The following SLC4A10 variants were observed in gnomAD, a reference collection of about 807,000 sequenced individuals.
The protein encoded by SLC4A10 is sodium-driven chloride bicarbonate exchanger.
Under a neutral mutation model 137.7 loss-of-function variants are expected in SLC4A10, and 42 were observed. The observed-to-expected ratio is 0.30, with a 90% CI of 0.24 to 0.39. The LOEUF is 0.39. Ranked by LOEUF, SLC4A10 falls within the 10% of genes least tolerant of loss-of-function variation. SLC4A10 has a pLI of 1.00. For missense variants in SLC4A10, 925 were observed against 1,355.0 expected (o/e 0.68, Z 4.98); for synonymous variants, 474 against 464.1 (o/e 1.02, Z -0.27).
chr2:161,879,428 T>A (rs2061626878), intron 9 of SLC4A10, 140 bp downstream of exon 9: 4 of 884,048 alleles, frequency 4.5e-6, no homozygotes, highest in Middle Eastern at 2.9e-4. Flanking sequence ...TAATTTTTGT[T>A]TGTGGAGGAG....
chr2:161,947,833 G>A, intron 17 of SLC4A10, 106 bp downstream of exon 17: 1 of 1,263,446 alleles, frequency 7.9e-7, no homozygotes, highest in Non-Finnish European at 1.1e-6. Context: ...TGAGTGAGCT[G>A]CCAGGTTAGT....
intron 2 of SLC4A10, among the ~76,000 whole-genome samples, chr2:161,804,142 A>AT (rs139629515): frequency 0.033 from 5,006 of 152,054 alleles, 233 homozygotes; most frequent in African/African-American, 0.1. Flanking sequence ...ATAAAAAACA[A>AT]TTTTTTTTCT....
intron 1 of SLC4A10, among the ~76,000 whole-genome samples, chr2:161,653,185 C>A (rs1046568093): frequency 2.0e-5 from 3 of 152,060 alleles, no homozygotes; most frequent in African/African-American, 7.2e-5. Context: ...TGAACTCATC[C>A]TTTTTTATGG....
intron 1 of SLC4A10, among the ~76,000 whole-genome samples, chr2:161,685,086 G>T (rs113090069): frequency 2.0e-5 from 3 of 152,108 alleles, no homozygotes; most frequent in Non-Finnish European, 4.4e-5. Flanking sequence ...TCTGTTTACC[G>T]CCTGGGAACT....
intron 26 of SLC4A10, among the ~76,000 whole-genome samples, chr2:161,980,660 C>T (rs897433330): frequency 2.0e-4 from 31 of 152,096 alleles, no homozygotes; most frequent in Non-Finnish European, 3.2e-4. Flanking sequence ...AAAAAAACAA[C>T]CACTATTTTA....
At chr2:161,952,766 A>G (rs1368425452) in intron 19 of SLC4A10, among the ~76,000 whole-genome samples, 2 of 152,088 alleles carry the variant, frequency 1.3e-5, no homozygotes, top group Admixed American at 6.6e-5. Flanking sequence ...TTGAACCCCT[A>G]TTGGGCCTAT....
At chr2:161,897,964 G>A (rs1399122890) in intron 11 of SLC4A10, among the ~76,000 whole-genome samples, 1 of 152,052 alleles carries the variant, frequency 6.6e-6, no homozygotes, top group Non-Finnish European at 1.5e-5. Flanking sequence ...TGTTTTTGAG[G>A]CAAGTTGAGT....
chr2:161,654,281 C>A (rs2037209335), intron 1 of SLC4A10, among the ~76,000 whole-genome samples: 2 of 152,088 alleles, frequency 1.3e-5, no homozygotes, highest in Non-Finnish European at 2.9e-5. Context: ...GGAAATTAAA[C>A]CTTTATTTGA....
At chr2:161,808,978 A>G (rs564010997) in intron 3 of SLC4A10, among the ~76,000 whole-genome samples, 21 of 152,274 alleles carry the variant, frequency 1.4e-4, no homozygotes, top group African/African-American at 5.1e-4. Flanking sequence ...AATTTCTTTG[A>G]TAAATCTCCA....
intron 1 of SLC4A10, among the ~76,000 whole-genome samples, chr2:161,698,517 T>C (rs564088319): frequency 6.6e-6 from 1 of 152,246 alleles, no homozygotes; most frequent in South Asian, 2.1e-4. Context: ...TTAGCATGAA[T>C]GGTTGTTGAA....
chr2:161,740,412 G>T (rs1011854963), intron 1 of SLC4A10, among the ~76,000 whole-genome samples: 1 of 152,120 alleles, frequency 6.6e-6, no homozygotes, highest in African/African-American at 2.4e-5. Flanking sequence ...ACTCTTCTGG[G>T]CACTGTCATT....
intron 1 of SLC4A10, among the ~76,000 whole-genome samples, chr2:161,750,505 G>T (rs2048857157): frequency 6.6e-6 from 1 of 151,600 alleles, no homozygotes; most frequent in Non-Finnish European, 1.5e-5. Flanking sequence ...ATTATTCAAG[G>T]ATATGTTATT....
At chr2:161,720,352 G>C (rs1466273978) in intron 1 of SLC4A10, among the ~76,000 whole-genome samples, 1 of 152,102 alleles carries the variant, frequency 6.6e-6, no homozygotes, top group African/African-American at 2.4e-5. Context: ...TTGTTCTTTT[G>C]GCTTAGGATT....
chr2:161,701,989 G>T (rs571286945), intron 1 of SLC4A10, among the ~76,000 whole-genome samples: 5 of 152,046 alleles, frequency 3.3e-5, no homozygotes, highest in African/African-American at 9.6e-5. Context: ...ATGGAAAATA[G>T]TGTGTGGAAG....
At chr2:161,933,449 G>A (rs1350807702) in intron 15 of SLC4A10, among the ~76,000 whole-genome samples, 1 of 150,024 alleles carries the variant, frequency 6.7e-6, no homozygotes, top group Non-Finnish European at 1.5e-5. Context: ...AGTGAGTACA[G>A]TGGCACAATC....
chr2:161,952,399 C>T (rs1286607972), intron 19 of SLC4A10, among the ~76,000 whole-genome samples: 1 of 152,106 alleles, frequency 6.6e-6, no homozygotes, highest in Non-Finnish European at 1.5e-5. Flanking sequence ...TGTGGAATAA[C>T]AAAAATGTAG....
chr2:161,982,788 C>T (rs1054526986), intron 26 of SLC4A10, among the ~76,000 whole-genome samples: 11 of 152,120 alleles, frequency 7.2e-5, no homozygotes, highest in Non-Finnish European at 1.2e-4. Flanking sequence ...ATGCCTCCTG[C>T]GACATCTTGT....
intron 1 of SLC4A10, among the ~76,000 whole-genome samples, chr2:161,660,446 G>A (rs2038134786): frequency 6.6e-6 from 1 of 152,156 alleles, no homozygotes; most frequent in Non-Finnish European, 1.5e-5. Flanking sequence ...GAGTATATGA[G>A]AGCATTATTG....
At chr2:161,712,124 A>G (rs186270196) in intron 1 of SLC4A10, among the ~76,000 whole-genome samples, 123 of 151,994 alleles carry the variant, frequency 8.1e-4, no homozygotes, top group Middle Eastern at 3.4e-3. Flanking sequence ...AAAAATGCAA[A>G]CAAAGAACAA....
Sources: gnomAD v4.1 joint callset for allele counts (sites outside exome capture counted in the v4.1 genomes callset) on GRCh38, gnomAD v4.1.1 for gene constraint, MANE v1.5 for transcripts, NCBI Gene and HGNC (gene_info 2026-07-23, HGNC 2026-07-21) for gene names.